The following ADAM28 variants were observed in gnomAD, a reference collection of about 807,000 sequenced individuals.
ADAM28 encodes ADAM metallopeptidase domain 28.
ADAM28 carries 105 observed loss-of-function variants against 101.2 expected under a neutral mutation model. The ratio of observed to expected loss-of-function variants is 1.04; its 90% CI spans 0.89 to 1.22. ADAM28 has a LOEUF of 1.22. ADAM28 is among the 50% of genes most tolerant of loss of function. ADAM28 has a pLI of 0.00. For missense variants in ADAM28, 1,028 were observed against 945.4 expected (o/e 1.09, Z -1.15); for synonymous variants, 322 against 310.6 (o/e 1.04, Z -0.39).
rs1234114669 is a variant in ADAM28 at position 24,332,660 on chromosome 8, G to C, written c.1282G>C (p.Glu428Gln). 2.0e-6 allele frequency: 3 copies of C among 1,483,748 alleles called. No individual in the cohort carries two copies. The highest frequency in any genetic ancestry group is 2.8e-5 in the African/African-American group (2 of 71,694). The allele number at this position is 1,483,748 out of a possible 1,614,324, so 91.9% of individuals were successfully genotyped here. A position where few individuals can be genotyped will look rare whatever the true frequency, so the allele number is the denominator to read the frequency against. ...GEDCDCGTSE[E>Q]CTNICCDAKT... ...TACATTTGTTTCTCATATTTCTTAGGAATGTACCAATATTTGCTGTGATGC... is the reference window on the plus strand; with the variant it reads ...TACATTTGTTTCTCATATTTCTTAGCAATGTACCAATATTTGCTGTGATGC... Residue 428 changes from glutamate (E) to glutamine (Q), a missense_variant and splice_region_variant, in exon 13 of 23, where the codon GAA (glutamate) becomes CAA (glutamine). Coordinates refer to ENST00000265769, the MANE Select transcript of ADAM28 (RefSeq NM_014265.6).
At position 24,313,505 on chromosome 8, in the gene ADAM28, C is replaced by T. The variant is rs1007325101; in HGVS notation, c.501C>T (p.Ser167=). The T allele has an allele frequency of 1.9e-6, 3 of 1,613,902 alleles. No individual in the cohort carries two copies. Among genetic ancestry groups the T allele is most frequent in the Non-Finnish European group, 2.5e-6 (3 of 1,179,868 alleles). Reference sequence around the variant, plus strand: ...ACCCTGATGAAAAGAATTATGACAGCACCTGTGGGATGGATGGTGTGTTGT... The same window carrying T: ...ACCCTGATGAAAAGAATTATGACAGTACCTGTGGGATGGATGGTGTGTTGT... ...KYNPDEKNYD[S]TCGMDGVLWA... The change falls in exon 6 of 23, where the codon AGC becomes AGT. Residue 167 remains serine, a synonymous_variant. Coordinates refer to ENST00000265769, the MANE Select transcript of ADAM28 (RefSeq NM_014265.6).
At chr8:24,335,699 A>C (rs1205677634) in intron 14 of ADAM28, 58 bp downstream of exon 14, 1 of 1,483,316 alleles carries the variant, frequency 6.7e-7, no homozygotes, top group African/African-American at 1.4e-5. Flanking sequence ...TTCAGATGAC[A>C]GTGTTTAACC....
chr8:24,351,743 G>A (rs1429744950), intron 20 of ADAM28, among the ~76,000 whole-genome samples: 3 of 30,202 alleles, frequency 9.9e-5, no homozygotes, highest in Admixed American at 7.5e-4. Flanking sequence ...GCTGAAGTTG[G>A]TTAATAACAT....
chr8:24,317,484 C>G (rs1336621987), intron 6 of ADAM28, among the ~76,000 whole-genome samples: 1 of 151,822 alleles, frequency 6.6e-6, no homozygotes, highest in African/African-American at 2.4e-5. Flanking sequence ...TATCCACATG[C>G]AAAATTATGA....
chr8:24,310,124 G>A, intron 3 of ADAM28, 39 bp from the exon 4 acceptor site: 2 of 1,598,904 alleles, frequency 1.3e-6, no homozygotes, highest in Non-Finnish European at 1.7e-6. Context: ...TTAGCAATCA[G>A]CACAAGTAAC....
chr8:24,323,974 A>G lies in ADAM28; in HGVS notation c.861A>G (p.Arg287=), dbSNP rs1434172048. The G allele has an allele frequency of 2.5e-6, 4 of 1,612,058 alleles. No homozygotes were observed. Among genetic ancestry groups the G allele is most frequent in the Non-Finnish European group, 3.4e-6 (4 of 1,178,716 alleles). The change falls in exon 9 of 23, where the codon AGA becomes AGG. Residue 287 remains arginine, a synonymous_variant. Coordinates refer to ENST00000265769, the MANE Select transcript of ADAM28 (RefSeq NM_014265.6). ...GGAGGGGGAGTGTTCTCTCAAGAAG[A>G]AAGCGTCATGATATTGCTCAGTTAA... ...SKWRGSVLSR[R]KRHDIAQLIT...
At chr8:24,351,125 C>CAAGA (rs1816066106) in intron 19 of ADAM28, 107 bp from the exon 20 acceptor site, 9 of 919,456 alleles carry the variant, frequency 9.8e-6, no homozygotes, top group Non-Finnish European at 1.3e-5. Context: ...AGGCAATAGG[C>CAAGA]AAGAAAGACA....
chr8:24,308,887 GA>G, intron 2 of ADAM28: 1 of 334,096 alleles, frequency 3.0e-6, no homozygotes, highest in South Asian at 2.4e-5. Context: ...GCCAGAAGGG[GA>G]GGGAGAGAAG....
At position 24,331,168 on chromosome 8, in the gene ADAM28, C is replaced by G. The variant is rs763328019; in HGVS notation, c.1122C>G (p.Asp374Glu). 6.2e-7 allele frequency: 1 copy of G among 1,612,248 alleles called. No individual in the cohort carries two copies. The change falls in exon 12 of 23, where the codon GAC becomes GAG. Residue 374 changes from aspartate to glutamate, a missense_variant. Physicochemically the swap from Asp to Glu is conservative, Grantham distance 45. Coordinates refer to ENST00000265769, the MANE Select transcript of ADAM28 (RefSeq NM_014265.6). The part of the protein sequence containing the change: ...DKALSFYIPT[D>E]FSSCSRLSYD... ...TTCACAGCTTCTATATACCCACAGA[C>G]TTCAGTTCCTGCAGCCGTCTCAGCT...
At chr8:24,321,906 C>T (rs904846649) in intron 8 of ADAM28, among the ~76,000 whole-genome samples, 3 of 151,954 alleles carry the variant, frequency 2.0e-5, no homozygotes, top group South Asian at 2.1e-4. Context: ...AATGGTTTTA[C>T]AGTCTTTAAA....
chr8:24,298,345 T>C (rs1259272452), intron 1 of ADAM28, among the ~76,000 whole-genome samples: 1 of 152,188 alleles, frequency 6.6e-6, no homozygotes, highest in Non-Finnish European at 1.5e-5. Context: ...TTAAACCCTT[T>C]TTCTGTTCTT....
Position 24,354,439 on chromosome 8 carries a change from T to TCAA in ADAM28, c.*37_*39dup. The TCAA allele has an allele frequency of 6.3e-7, 1 of 1,597,226 alleles. No individual in the cohort carries two copies. On this transcript the variant is annotated 3_prime_UTR_variant, in exon 23 of 23. Transcript: ENST00000265769. ...TAAGCAAGAACTAATGGCTAAATTATCAACTTGGAAAACTGGAAAATCTGG... is the reference window on the plus strand; with the variant it reads ...TAAGCAAGAACTAATGGCTAAATTATCAACAACTTGGAAAACTGGAAAATCTGG...
At chr8:24,314,495 C>T (rs192928026) in intron 6 of ADAM28, among the ~76,000 whole-genome samples, 25 of 152,062 alleles carry the variant, frequency 1.6e-4, no homozygotes, top group African/African-American at 5.3e-4. Flanking sequence ...CTTTTATTTC[C>T]AAGATTTATT....
At chr8:24,353,231 T>C (rs1267917210) in intron 21 of ADAM28, among the ~76,000 whole-genome samples, 1 of 152,136 alleles carries the variant, frequency 6.6e-6, no homozygotes, top group Non-Finnish European at 1.5e-5. Context: ...AGGTGATATT[T>C]TACTTTATGT....
intron 18 of ADAM28, among the ~76,000 whole-genome samples, chr8:24,346,581 C>T (rs1815425735): frequency 6.6e-6 from 1 of 152,092 alleles, no homozygotes; most frequent in Non-Finnish European, 1.5e-5. Context: ...TTTAAGAGCA[C>T]TGCCCTACGA....
In ADAM28 at chr8:24,358,535, AGGAGAAAACACCTCT is replaced by A. The variant is rs570483791; in HGVS notation, c.*4132_*4146del. The A allele has an allele frequency of 8.5e-5, 13 of 152,316 alleles. No homozygotes were observed. The highest frequency in any genetic ancestry group is 3.1e-4 in the African/African-American group (13 of 41,582). 9.4% of individuals were successfully genotyped at this position (152,316 alleles called of 1,614,324 possible). A position where few individuals can be genotyped will look rare whatever the true frequency, so the allele number is the denominator to read the frequency against. On this transcript the variant is annotated 3_prime_UTR_variant, in exon 23 of 23. Transcript: ENST00000265769. ...ACCTTGTCAGGGAAGATCCCAACTC[AGGAGAAAACACCTCT>A]AACAAAATCTGTAGCCACGTTGGCA...
intron 2 of ADAM28, among the ~76,000 whole-genome samples, chr8:24,300,561 G>T (rs6992077): frequency 6.6e-6 from 1 of 151,464 alleles, no homozygotes; most frequent in Non-Finnish European, 1.5e-5. Flanking sequence ...GACTGCAGGC[G>T]CCCGCCACCA....
At chr8:24,337,251 G>T (rs2129320164) in intron 14 of ADAM28, among the ~76,000 whole-genome samples, 1 of 152,330 alleles carries the variant, frequency 6.6e-6, no homozygotes, top group African/African-American at 2.4e-5. Context: ...CCAGGTTAAA[G>T]GTGGAAACAA....
intron 2 of ADAM28, among the ~76,000 whole-genome samples, chr8:24,307,780 C>G (rs1214017271): frequency 6.6e-6 from 1 of 152,120 alleles, no homozygotes; most frequent in Non-Finnish European, 1.5e-5. Flanking sequence ...CTTAGAGGCC[C>G]AAACCATCTT....
Sources: gnomAD v4.1 joint callset for allele counts (sites outside exome capture counted in the v4.1 genomes callset) on GRCh38, gnomAD v4.1.1 for gene constraint, MANE v1.5 for transcripts, NCBI Gene and HGNC (gene_info 2026-07-23, HGNC 2026-07-21) for gene names.